STAG1: variants seen among roughly 807,000 people sequenced by gnomAD.
STAG1 encodes STAG1 cohesin complex component.
A neutral mutation model predicts 170.9 loss-of-function variants in STAG1; 26 were observed. The ratio of observed to expected loss-of-function variants is 0.15; its 90% confidence interval spans 0.11 to 0.21. STAG1 has a LOEUF of 0.21. Among genes scored for constraint, STAG1 ranks in the 10% least tolerant of loss-of-function variants. STAG1 has a pLI of 1.00. For missense variants in STAG1, 964 were observed against 1,509.5 expected, an observed-to-expected ratio of 0.64 and a Z score of 5.99; for synonymous variants, 514 against 497.7, an observed-to-expected ratio of 1.03 and a Z score of -0.44.
chr3:136,438,108 G>GTTCC (rs2088510239), intron 15 of STAG1, among the ~76,000 whole-genome samples: 1 of 151,928 alleles, frequency 6.6e-6, no homozygotes, highest in South Asian at 2.1e-4. Context: ...GGCTCATTAT[G>GTTCC]TTCCAGCTAT....
Position 136,500,305 on chromosome 3 carries a change from A to C in STAG1, c.829-9T>G. 1 of 1,543,024 alleles carries C rather than the reference A, an allele frequency of 6.5e-7. No homozygotes were observed. On this transcript the variant is annotated splice_polypyrimidine_tract_variant and intron_variant, in intron 8 of 33. Coordinates refer to ENST00000383202, the MANE Select transcript of STAG1 (RefSeq NM_005862.3). ...TCCTGATTTTCTTGCAGCTGAAATGAAAAAATATATATAAGTTGAAATCCT... is the reference window on the plus strand; with the variant it reads ...TCCTGATTTTCTTGCAGCTGAAATGCAAAAATATATATAAGTTGAAATCCT...
chr3:136,728,142 G>A (rs1933794179), intron 1 of STAG1, among the ~76,000 whole-genome samples: 1 of 151,854 alleles, frequency 6.6e-6, no homozygotes, highest in Middle Eastern at 3.2e-3. Context: ...TGGGCAACAA[G>A]TGCGAAAGCC....
intron 22 of STAG1, among the ~76,000 whole-genome samples, chr3:136,378,394 T>A (rs1244510302): frequency 6.6e-6 from 1 of 152,172 alleles, no homozygotes; most frequent in African/African-American, 2.4e-5. Context: ...ATTTGAAAAG[T>A]CCAAAAGGAA....
chr3:136,740,022 TGC>T (rs1934578484), intron 1 of STAG1, among the ~76,000 whole-genome samples: 1 of 152,202 alleles, frequency 6.6e-6, no homozygotes, highest in South Asian at 2.1e-4. Flanking sequence ...CATCTTACTC[TGC>T]GTTTGCTTTT....
chr3:136,711,643 T>G (rs1037513640), intron 1 of STAG1, among the ~76,000 whole-genome samples: 1 of 152,148 alleles, frequency 6.6e-6, no homozygotes, highest in Non-Finnish European at 1.5e-5. Context: ...GTGATATTGG[T>G]ACAAGGCTAG....
At chr3:136,435,136 T>C (rs933887014) in intron 15 of STAG1, among the ~76,000 whole-genome samples, 4 of 152,254 alleles carry the variant, frequency 2.6e-5, no homozygotes, top group Non-Finnish European at 5.9e-5. Context: ...AACTTGAATA[T>C]ATAAGCAAGT....
chr3:136,586,986 A>T (rs892500542), intron 4 of STAG1: 1 of 429,972 alleles, frequency 2.3e-6, no homozygotes, highest in Non-Finnish European at 4.6e-6. Flanking sequence ...TCCTATGAAG[A>T]AAAGATAGCT....
intron 5 of STAG1, among the ~76,000 whole-genome samples, chr3:136,551,277 G>A (rs568589640): frequency 6.0e-4 from 86 of 142,188 alleles, no homozygotes; most frequent in African/African-American, 2.1e-3. Context: ...GCGAGAGAGC[G>A]TGCTCTGTTG....
At chr3:136,486,286 T>C (rs1045910364) in intron 9 of STAG1, among the ~76,000 whole-genome samples, 3 of 152,204 alleles carry the variant, frequency 2.0e-5, no homozygotes, top group Non-Finnish European at 4.4e-5. Context: ...TATTTAAAAA[T>C]GTCTACATCA....
chr3:136,629,176 C>A (rs556628271), intron 2 of STAG1, among the ~76,000 whole-genome samples: 5 of 152,206 alleles, frequency 3.3e-5, no homozygotes, highest in African/African-American at 1.2e-4. Flanking sequence ...TTAAATATAA[C>A]CTCTGTTTCA....
chr3:136,443,747 A>G (rs2088697820), intron 14 of STAG1, among the ~76,000 whole-genome samples: 1 of 147,236 alleles, frequency 6.8e-6, no homozygotes, highest in Admixed American at 7.0e-5. Context: ...CTCTTCAACT[A>G]TCTTTATTTT....
chr3:136,389,992 C>G (rs1334054111), intron 22 of STAG1, among the ~76,000 whole-genome samples: 1 of 151,868 alleles, frequency 6.6e-6, no homozygotes, highest in Non-Finnish European at 1.5e-5. Flanking sequence ...CCACCACGCC[C>G]AACTAATTTT....
intron 11 of STAG1, 152 bp from the exon 12 acceptor site, chr3:136,472,644 C>G: frequency 1.9e-6 from 1 of 530,562 alleles, no homozygotes; most frequent in Non-Finnish European, 3.4e-6. Context: ...TAGTCCTACT[C>G]ACACAAAGGG....
chr3:136,617,249 C>T (rs1401399996), intron 3 of STAG1, among the ~76,000 whole-genome samples: 2 of 152,182 alleles, frequency 1.3e-5, no homozygotes, highest in Admixed American at 1.3e-4. Flanking sequence ...TCATACTATT[C>T]CAAGTGTAGC....
At chr3:136,344,932 A>G (rs1399840369) in intron 29 of STAG1, among the ~76,000 whole-genome samples, 1 of 152,048 alleles carries the variant, frequency 6.6e-6, no homozygotes, top group African/African-American at 2.4e-5. Context: ...TAATTTCTAG[A>G]GGAAATACAG....
chr3:136,498,694 T>TAA (rs1256373532), intron 9 of STAG1, among the ~76,000 whole-genome samples: 1 of 137,852 alleles, frequency 7.3e-6, no homozygotes, highest in African/African-American at 2.7e-5. Flanking sequence ...AAAGTTGCAG[T>TAA]AAAAAAAAAA....
intron 29 of STAG1, among the ~76,000 whole-genome samples, chr3:136,347,395 CAA>C (rs34533734): frequency 1.6e-3 from 128 of 78,716 alleles, no homozygotes; most frequent in East Asian, 4.8e-3. Flanking sequence ...GATCCTGTCT[CAA>C]AAAAAAAAAA....
chr3:136,435,496 G>A (rs745642625), intron 15 of STAG1, among the ~76,000 whole-genome samples: 3 of 151,744 alleles, frequency 2.0e-5, no homozygotes, highest in East Asian at 1.9e-4. Context: ...TAGTTAGTTC[G>A]TATTCACCAT....
chr3:136,719,268 T>C (rs924060572), intron 1 of STAG1, among the ~76,000 whole-genome samples: 3 of 152,268 alleles, frequency 2.0e-5, no homozygotes, highest in East Asian at 1.9e-4. Flanking sequence ...CATAAGAGCA[T>C]ATAAATGATT....
Sources: gnomAD v4.1 joint callset for allele counts (sites outside exome capture counted in the v4.1 genomes callset) on GRCh38, gnomAD v4.1.1 for gene constraint, MANE v1.5 for transcripts, NCBI Gene and HGNC (gene_info 2026-07-23, HGNC 2026-07-21) for gene names.